Variants in OGDH observed in about 807,000 individuals in gnomAD.
OGDH encodes 2-oxoglutarate dehydrogenase complex component E1.
A neutral mutation model predicts 116.6 loss-of-function variants in OGDH; 38 were observed. The observed-to-expected ratio is 0.33, with a 90% CI of 0.25 to 0.43. The LOEUF is 0.43. Ranked by LOEUF, OGDH falls within the 20% of genes least tolerant of loss-of-function variation. The pLI, the probability that OGDH is intolerant of heterozygous loss-of-function variation, is 1.00. For synonymous variants in OGDH, 488 were observed against 533.3 expected (o/e 0.92, Z 1.17); for missense variants, 825 against 1,357.2 (o/e 0.61, Z 6.16).
chr7:44,692,250 A>G (rs1788396140), intron 10 of OGDH, among the ~76,000 whole-genome samples: 1 of 152,192 alleles, frequency 6.6e-6, no homozygotes. Context: ...ATTGGAAACA[A>G]AAGAAATGTC....
At chr7:44,629,718 T>C (rs908787993) in intron 2 of OGDH, among the ~76,000 whole-genome samples, 6 of 151,924 alleles carry the variant, frequency 3.9e-5, no homozygotes, top group Admixed American at 6.6e-5. Flanking sequence ...TAGCTGGGAT[T>C]ACAGACGTGC....
At chr7:44,671,958 A>G (rs1319235879) in intron 5 of OGDH, among the ~76,000 whole-genome samples, 1 of 151,532 alleles carries the variant, frequency 6.6e-6, no homozygotes, top group Non-Finnish European at 1.5e-5. Flanking sequence ...AGTCCCAGCT[A>G]CTTGGGAGGC....
At chr7:44,643,121 A>AT (rs113882959) in intron 2 of OGDH, among the ~76,000 whole-genome samples, 2 of 144,592 alleles carry the variant, frequency 1.4e-5, no homozygotes, top group Admixed American at 6.9e-5. Context: ...AAAAAAAGTC[A>AT]TTTTTTAAGT....
chr7:44,608,101 C>T (rs1324680019), intron 1 of OGDH, among the ~76,000 whole-genome samples: 1 of 152,120 alleles, frequency 6.6e-6, no homozygotes, highest in East Asian at 1.9e-4. Context: ...ACGATTCACC[C>T]ATTTGACGTG....
intron 2 of OGDH, among the ~76,000 whole-genome samples, chr7:44,641,797 A>G (rs1785955550): frequency 6.6e-6 from 1 of 152,152 alleles, no homozygotes; most frequent in Non-Finnish European, 1.5e-5. Context: ...CTGCTGGAAA[A>G]GCTCCATGAA....
chr7:44,688,830 A>G (rs1585371609), intron 10 of OGDH, among the ~76,000 whole-genome samples: 1 of 151,224 alleles, frequency 6.6e-6, no homozygotes, highest in Non-Finnish European at 1.5e-5. Flanking sequence ...GCTCACTGCA[A>G]CCTCCACTTC....
intron 19 of OGDH, among the ~76,000 whole-genome samples, 181 bp downstream of exon 19, chr7:44,700,450 T>C (rs1192337019): frequency 1.3e-5 from 2 of 152,220 alleles, no homozygotes; most frequent in Non-Finnish European, 2.9e-5. Flanking sequence ...ATGAGGGAAC[T>C]GCGTGTTCTG....
At chr7:44,674,123 C>T (rs1055517459) in intron 6 of OGDH, among the ~76,000 whole-genome samples, 182 bp downstream of exon 6, 11 of 152,226 alleles carry the variant, frequency 7.2e-5, no homozygotes, top group Non-Finnish European at 1.0e-4. Flanking sequence ...GCCTTCAGAG[C>T]AACCTCCGCC....
At chr7:44,629,034 G>A (rs534507005) in intron 2 of OGDH, among the ~76,000 whole-genome samples, 2 of 152,140 alleles carry the variant, frequency 1.3e-5, no homozygotes, top group East Asian at 3.9e-4. Context: ...CGGTGGCCTG[G>A]GCTGTCAGCC....
At chr7:44,691,951 C>T (rs1007032949) in intron 10 of OGDH, among the ~76,000 whole-genome samples, 1 of 140,748 alleles carries the variant, frequency 7.1e-6, no homozygotes, top group African/African-American at 2.8e-5. Flanking sequence ...CACTGCACTC[C>T]AGCCTGGGAG....
intron 1 of OGDH, among the ~76,000 whole-genome samples, chr7:44,607,143 T>C (rs1438020806): frequency 6.6e-6 from 1 of 152,196 alleles, no homozygotes; most frequent in Non-Finnish European, 1.5e-5. Flanking sequence ...TGTGGCCTGC[T>C]CGAGTTGCGT....
Position 44,699,026 on chromosome 7 carries a change from C to T in OGDH, c.2430+763C>T, listed in dbSNP as rs566217539. On this transcript the variant is annotated intron_variant, in intron 18 of 22. Coordinates refer to ENST00000222673, the MANE Select transcript of OGDH (RefSeq NM_002541.4). ...GGGCATGGTGGCGCCCACCTGTAAT[C>T]CCAGCTAGTCTGAGGCTGAGGCAGG... is the stretch of plus-strand genomic sequence containing the variant. 5.9e-5 allele frequency among the ~76,000 whole-genome samples: 9 copies of T among 151,842 alleles called. 1 individual carries two copies. The South Asian group carries it at 1.5e-3, about 25-fold the overall frequency.
At position 44,645,482 on chromosome 7, in the gene OGDH, C is replaced by T. The variant is rs377685499; in HGVS notation, c.378C>T (p.Asp126=). The T allele has an allele frequency of 2.3e-5, 37 of 1,614,170 alleles. No homozygotes were observed. In the African/African-American group the frequency reaches 4.3e-4, roughly 19 times the overall value. Residue 126 remains aspartate, a synonymous_variant, in exon 3 of 23, where the codon GAC becomes GAT. Transcript: ENST00000222673. Reference sequence around the variant, plus strand: ...CCAACGTGGACAAGCTCGTGGAGGACCACCTGGCAGTGCAGTCGCTCATCA... The same window carrying T: ...CCAACGTGGACAAGCTCGTGGAGGATCACCTGGCAGTGCAGTCGCTCATCA... ...AQPNVDKLVE[D]HLAVQSLIRA...
chr7:44,652,608 C>G (rs983524496), intron 4 of OGDH, among the ~76,000 whole-genome samples: 3 of 151,642 alleles, frequency 2.0e-5, no homozygotes, highest in African/African-American at 7.3e-5. Context: ...ATTATGTTGC[C>G]CAGGCTCGTC....
chr7:44,638,405 A>G (rs184478178), intron 2 of OGDH, among the ~76,000 whole-genome samples: 106 of 152,316 alleles, frequency 7.0e-4, no homozygotes, highest in Admixed American at 6.5e-3. Context: ...AACTGTTTCT[A>G]TTATAGGAAA....
chr7:44,684,594 TG>T (rs1788057294), intron 10 of OGDH, among the ~76,000 whole-genome samples: 1 of 152,146 alleles, frequency 6.6e-6, no homozygotes, highest in African/African-American at 2.4e-5. Flanking sequence ...ACCCATGCAG[TG>T]AGTGGTACTA....
chr7:44,608,067 A>T (rs541510901), intron 1 of OGDH, among the ~76,000 whole-genome samples: 1 of 151,914 alleles, frequency 6.6e-6, no homozygotes, highest in African/African-American at 2.4e-5. Flanking sequence ...TAACATCTTT[A>T]TTGAGATAAA....
intron 2 of OGDH, among the ~76,000 whole-genome samples, chr7:44,627,616 ACT>A (rs1426453450): frequency 3.9e-5 from 6 of 151,908 alleles, no homozygotes; most frequent in Non-Finnish European, 8.8e-5. Context: ...AAAGGAACAA[ACT>A]CAGCATCTTC....
Position 44,666,811 on chromosome 7 carries a change from A to C in OGDH, c.593A>C (p.Glu198Ala). The part of the protein sequence containing the change: ...LPTTTFIGGQ[E>A]SALPLREIIR... Reference sequence around the variant, plus strand: ...ACCACCACTTTCATCGGGGGACAGGAATCAGCACTTCCTCTGCGGGAGATC... The same window carrying C: ...ACCACCACTTTCATCGGGGGACAGGCATCAGCACTTCCTCTGCGGGAGATC... Residue 198 changes from glutamate to alanine, a missense_variant, in exon 5 of 23, where the codon GAA (glutamate) becomes GCA (alanine). Physicochemically the swap from Glu to Ala is moderately radical, Grantham distance 107 (BLOSUM62 -1). Coordinates refer to ENST00000222673, the MANE Select transcript of OGDH (RefSeq NM_002541.4). The C allele has an allele frequency of 6.2e-7, 1 of 1,613,148 alleles. No homozygotes were observed. Among genetic ancestry groups the C allele is most frequent in the Non-Finnish European group, 8.5e-7 (1 of 1,179,558 alleles).
Sources: allele counts gnomAD v4.1 joint callset (sites outside exome capture counted in the v4.1 genomes callset), GRCh38; gene constraint gnomAD v4.1.1; transcripts MANE v1.5; gene names NCBI Gene and HGNC (gene_info 2026-07-23, HGNC 2026-07-21).